The following PRKCZ variants were observed in gnomAD, a reference collection of about 807,000 sequenced individuals.
The protein encoded by PRKCZ is protein kinase C zeta type.
A neutral mutation model predicts 79.5 loss-of-function variants in PRKCZ; 33 were observed. The observed-to-expected ratio is 0.41, with a 90% CI of 0.31 to 0.55. The LOEUF is 0.55. Ranked by LOEUF, PRKCZ falls within the 20% of genes least tolerant of loss-of-function variation. The pLI is 0.19. For synonymous variants in PRKCZ, 342 were observed against 320.9 expected, an observed-to-expected ratio of 1.07 and a Z score of -0.70; for missense variants, 578 against 813.5, an observed-to-expected ratio of 0.71 and a Z score of 3.52.
chr1:2,055,395 C>G (rs989394832), intron 1 of PRKCZ, 46 bp from the exon 2 acceptor site: 1 of 1,537,566 alleles, frequency 6.5e-7, no homozygotes. Flanking sequence ...TAATTTGATT[C>G]AAATATGCCC....
intron 1 of PRKCZ, among the ~76,000 whole-genome samples, chr1:2,052,358 G>A (rs1659751237): frequency 6.6e-6 from 1 of 151,812 alleles, no homozygotes; most frequent in South Asian, 2.1e-4. Context: ...TTCCCAGGCT[G>A]GAGAGACCAG....
chr1:2,058,234 C>T (rs998930311), intron 3 of PRKCZ, among the ~76,000 whole-genome samples: 13 of 151,586 alleles, frequency 8.6e-5, no homozygotes, highest in Non-Finnish European at 1.5e-4. Flanking sequence ...AACTCCTGAC[C>T]TTAGGTGATC....
At chr1:2,090,215 G>A (rs28642238) in intron 4 of PRKCZ, among the ~76,000 whole-genome samples, 4,764 of 152,316 alleles carry the variant, frequency 0.031, 247 homozygotes, top group African/African-American at 0.11. Context: ...ACGGCAGCTT[G>A]GATTCCGAGG....
chr1:2,102,523 G>A (rs572845659), intron 4 of PRKCZ, among the ~76,000 whole-genome samples: 29 of 151,826 alleles, frequency 1.9e-4, no homozygotes, highest in Non-Finnish European at 3.5e-4. Context: ...TAGTAGAGAT[G>A]GGGTTTCACT....
intron 4 of PRKCZ, among the ~76,000 whole-genome samples, chr1:2,121,577 G>C (rs113370739): frequency 0.039 from 740 of 18,760 alleles, 19 homozygotes; most frequent in Admixed American, 0.061. Context: ...TAGTTAGGGT[G>C]ATGGTGGTAG....
At chr1:2,065,031 T>C (rs138508878) in intron 4 of PRKCZ, among the ~76,000 whole-genome samples, 10 of 152,248 alleles carry the variant, frequency 6.6e-5, no homozygotes, top group African/African-American at 2.4e-4. Flanking sequence ...CTTTCAGCAG[T>C]GTTTTACAGT....
intron 4 of PRKCZ, among the ~76,000 whole-genome samples, chr1:2,113,603 G>T (rs1557593558): frequency 1.3e-5 from 2 of 152,202 alleles, no homozygotes; most frequent in Non-Finnish European, 2.9e-5. Context: ...CTGGAAGGGG[G>T]TGCAGCCTGC....
chr1:2,183,551 G>A (rs1191609172), intron 16 of PRKCZ: 2 of 152,360 alleles, frequency 1.3e-5, no homozygotes, highest in African/African-American at 4.8e-5. Flanking sequence ...ATGTCTCTTG[G>A]TGCTGCTGTA....
At chr1:2,155,624 CAG>C (rs559410286) in intron 9 of PRKCZ, among the ~76,000 whole-genome samples, 110 of 146,156 alleles carry the variant, frequency 7.5e-4, no homozygotes, top group African/African-American at 2.5e-3. Flanking sequence ...GTGATGATGA[CAG>C]TGGTGGTGAA....
At chr1:2,101,698 C>G (rs987554149) in intron 4 of PRKCZ, among the ~76,000 whole-genome samples, 5 of 152,108 alleles carry the variant, frequency 3.3e-5, no homozygotes, top group African/African-American at 1.2e-4. Context: ...GCGAAGATGA[C>G]ATGAGCCCGT....
rs764279441 is a variant in PRKCZ at position 2,144,299 on chromosome 1, G to A, written c.510G>A (p.Lys170=). Residue 170 remains lysine (K), a synonymous_variant, in exon 6 of 18, where the codon AAG becomes AAA. Transcript: ENST00000378567. The part of the protein sequence containing the change: ...RCINCKLLVH[K]RCHGLVPLTC... ...TCAACTGCAAACTGCTGGTCCATAA[G>A]CGCTGCCACGGCCTCGTCCCGCTGA... The A allele has an allele frequency of 6.4e-7, 1 of 1,571,774 alleles. No individual in the cohort carries two copies.
chr1:2,157,801 C>T (rs1348020405), intron 10 of PRKCZ, among the ~76,000 whole-genome samples: 3 of 152,008 alleles, frequency 2.0e-5, no homozygotes. Context: ...CCTCAGCCTC[C>T]CAAAGTGCTG....
In PRKCZ at chr1:2,117,998, C is replaced by CCTTTTTTTTTTTTTTTTTTT. The variant is rs58233626; in HGVS notation, c.335-17264_335-17263insCTTTTTTTTTTTTTTTTTTT. Among the ~76,000 whole-genome samples the CCTTTTTTTTTTTTTTTTTTT allele has an allele frequency of 1.2e-3, 76 of 65,080 alleles. 6 individuals carry two copies. The highest frequency in any genetic ancestry group is 2.2e-3 in the South Asian group (4 of 1,846). The allele number at this position is 65,080 out of a possible 152,430, so 42.7% of individuals were successfully genotyped here. A position where few individuals can be genotyped will look rare whatever the true frequency, so the allele number is the denominator to read the frequency against. The stretch of plus-strand genomic sequence containing the variant: ...TATGAGAGAGATTAGCCTATTATTT[C>CCTTTTTTTTTTTTTTTTTTT]TTTTTTTTTTTTTTTTGGAGTCTCA... On this transcript the variant is annotated intron_variant, in intron 4 of 17. Coordinates refer to ENST00000378567, the MANE Select transcript of PRKCZ (RefSeq NM_002744.6).
In PRKCZ at chr1:2,174,348, C is replaced by T. The variant is rs1057057351; in HGVS notation, c.1405+332C>T. On this transcript the variant is annotated intron_variant, in intron 14 of 17. Transcript: ENST00000378567. The surrounding 1 kb of genome is among the most constrained non-coding windows in gnomAD (Gnocchi z 6.2). ...AAAGCACAGCCCCCACCCCCAAAAC[C>T]CACAGCCACCATCATGGGCTCCTTC... Among the ~76,000 whole-genome samples, 1 of 152,224 alleles carries T rather than the reference C, an allele frequency of 6.6e-6. No homozygotes were observed. Among genetic ancestry groups the T allele is most frequent in the Non-Finnish European group, 1.5e-5 (1 of 68,032 alleles).
At chr1:2,074,558 A>G in intron 4 of PRKCZ, 1 of 566,672 alleles carries the variant, frequency 1.8e-6, no homozygotes, top group Admixed American at 3.1e-5. Context: ...TGGTAGTGGT[A>G]ACAGCCAGCA....
chr1:2,178,581 C>T lies in PRKCZ; in HGVS notation c.1575+3268C>T, dbSNP rs1041331583. Among the ~76,000 whole-genome samples, 6 of 152,338 alleles carry T rather than the reference C, an allele frequency of 3.9e-5. No individual in the cohort carries two copies. In the South Asian group the frequency reaches 6.2e-4, roughly 16 times the overall value. ...GACACGTGTTTATTTCTCTTGGGCA[C>T]GTGCTCAGGGCGCAGTTGCAGGTCC... On this transcript the variant is annotated intron_variant, in intron 16 of 17. Transcript: ENST00000378567. The surrounding 1 kb of genome is among the most constrained non-coding windows in gnomAD (Gnocchi z 4.3).
chr1:2,181,094 C>T (rs1208774284), intron 16 of PRKCZ, among the ~76,000 whole-genome samples: 5 of 150,676 alleles, frequency 3.3e-5, no homozygotes, highest in African/African-American at 4.9e-5. Context: ...CCCCACCCCA[C>T]CCCCGCCACC....
intron 1 of PRKCZ, among the ~76,000 whole-genome samples, chr1:2,054,759 C>G (rs572021760): frequency 2.5e-4 from 38 of 152,178 alleles, no homozygotes; most frequent in Admixed American, 7.9e-4. Flanking sequence ...GCGGCCTGCA[C>G]CGACCCGGCT....
chr1:2,160,238 CGTGTGTGT>C (rs56068331), intron 10 of PRKCZ, among the ~76,000 whole-genome samples: 61 of 146,462 alleles, frequency 4.2e-4, no homozygotes, highest in Middle Eastern at 7.0e-3. Context: ...CAGCAGTGTG[CGTGTGTGT>C]GTGTGTGTGT....
Sources: allele counts gnomAD v4.1 joint callset (sites outside exome capture counted in the v4.1 genomes callset), GRCh38; gene constraint gnomAD v4.1.1; non-coding constraint Gnocchi (gnomAD v3.1); transcripts MANE v1.5; gene names NCBI Gene and HGNC (gene_info 2026-07-23, HGNC 2026-07-21).